Variants in DDX6 observed in about 807,000 individuals in gnomAD.
DDX6 encodes the protein DEAD-box helicase 6, also known as probable ATP-dependent RNA helicase DDX6.
DDX6 carries 7 observed loss-of-function variants against 60.6 expected under a neutral mutation model. The observed-to-expected ratio is 0.12, with a 90% CI of 0.07 to 0.22. DDX6 has a LOEUF of 0.22. Among genes scored for constraint, DDX6 ranks in the 10% least tolerant of loss-of-function variants. The pLI, the probability that DDX6 is intolerant of heterozygous loss-of-function variation, is 1.00. For synonymous variants in DDX6, 207 were observed against 201.0 expected, an observed-to-expected ratio of 1.03 and a Z score of -0.25; for missense variants, 270 against 589.9, an observed-to-expected ratio of 0.46 and a Z score of 5.62.
At chr11:118,765,747 C>T (rs1861330092) in intron 5 of DDX6, among the ~76,000 whole-genome samples, 1 of 151,122 alleles carries the variant, frequency 6.6e-6, no homozygotes, top group South Asian at 2.1e-4. Flanking sequence ...GCACTCCAGC[C>T]TGGGCGACAG....
intron 4 of DDX6, among the ~76,000 whole-genome samples, chr11:118,772,641 T>C (rs1338961355): frequency 1.3e-5 from 2 of 152,182 alleles, no homozygotes; most frequent in Non-Finnish European, 2.9e-5. Context: ...GTCATTTATA[T>C]CTCAATAAAG....
In DDX6 at chr11:118,755,409, T is replaced by C; in HGVS notation, c.1269A>G (p.Gly423=). 1 of 1,601,020 alleles carries C rather than the reference T, an allele frequency of 6.2e-7. No individual in the cohort carries two copies. Among genetic ancestry groups the C allele is most frequent in the Non-Finnish European group, 8.6e-7 (1 of 1,168,734 alleles). ...KLAETYLHRI[G]RSGRFGHLGL... is the part of the protein sequence containing the mutation. ...CACCTCTTTTTTCCTCACCTGATCT[T>C]CCAATACGATGGAGATAGGTCTCTG... The change falls in exon 12 of 14, where the codon GGA becomes GGG. Residue 423 remains glycine, a synonymous_variant. Transcript: ENST00000534980.
chr11:118,773,292 G>A (rs1361004149), intron 4 of DDX6, among the ~76,000 whole-genome samples: 2 of 152,178 alleles, frequency 1.3e-5, no homozygotes, highest in African/African-American at 2.4e-5. Context: ...GTTAAAGGCC[G>A]GGCGCGGTGG....
At chr11:118,757,671 A>G (rs1338931226) in intron 9 of DDX6, among the ~76,000 whole-genome samples, 1 of 151,994 alleles carries the variant, frequency 6.6e-6, no homozygotes, top group South Asian at 2.1e-4. Context: ...GCTCACTGCA[A>G]CAGCTGCCTC....
intron 2 of DDX6, 90 bp from the exon 3 acceptor site, chr11:118,781,274 G>T: frequency 1.3e-6 from 1 of 795,460 alleles, no homozygotes; most frequent in Non-Finnish European, 2.1e-6. Context: ...TGTTAAAAAA[G>T]CACAGTAAGT....
chr11:118,750,433 A>G lies in DDX6; in HGVS notation c.*1672T>C, dbSNP rs1555156924. Reference sequence around the variant, plus strand: ...CAGGTAACAATTCTTGTCACAATGCAAGAGAATGGCAAGCAGCTTTCTGTA... The same window carrying G: ...CAGGTAACAATTCTTGTCACAATGCGAGAGAATGGCAAGCAGCTTTCTGTA... On this transcript the variant is annotated 3_prime_UTR_variant, in exon 14 of 14. Transcript: ENST00000534980. The G allele has an allele frequency of 1.3e-5, 2 of 152,304 alleles. No homozygotes were observed. Among genetic ancestry groups the G allele is most frequent in the East Asian group, 1.9e-4 (1 of 5,184 alleles). 9.4% of individuals were successfully genotyped at this position (152,304 alleles called of 1,614,324 possible).
In DDX6 at chr11:118,791,161, C is replaced by G. The variant is rs1272996456; in HGVS notation, c.-331G>C. On this transcript the variant is annotated 5_prime_UTR_variant, in exon 1 of 14. Coordinates refer to ENST00000534980, the MANE Select transcript of DDX6 (RefSeq NM_004397.6). Reference sequence around the variant, plus strand: ...CCGCCTGGCTGAGCTAACTCGGCTCCTCTGCCCCCTCCCTCGCTCGCCCGT... The same window carrying G: ...CCGCCTGGCTGAGCTAACTCGGCTCGTCTGCCCCCTCCCTCGCTCGCCCGT... 10 of 152,288 alleles carry G rather than the reference C, an allele frequency of 6.6e-5. No homozygotes were observed. Among genetic ancestry groups the G allele is most frequent in the Admixed American group, 6.6e-4 (10 of 15,260 alleles). 9.4% of individuals were successfully genotyped at this position (152,288 alleles called of 1,614,324 possible).
intron 4 of DDX6, among the ~76,000 whole-genome samples, chr11:118,775,388 A>G (rs946097556): frequency 2.0e-5 from 3 of 152,192 alleles, no homozygotes; most frequent in Non-Finnish European, 2.9e-5. Flanking sequence ...ATAAAAATTT[A>G]AAAAATTTTT....
At chr11:118,781,339 G>A (rs1555164677) in intron 2 of DDX6, among the ~76,000 whole-genome samples, 155 bp from the exon 3 acceptor site, 1 of 151,980 alleles carries the variant, frequency 6.6e-6, no homozygotes, top group African/African-American at 2.4e-5. Flanking sequence ...TTTAGAAAAA[G>A]TGTTCTTATA....
chr11:118,754,444 TTTCA>T (rs1860893861), intron 13 of DDX6: 1 of 353,940 alleles, frequency 2.8e-6, no homozygotes, highest in Non-Finnish European at 5.1e-6. Flanking sequence ...TCTTTTTTGC[TTTCA>T]TTATTTTAGG....
rs1374072997 is a variant in DDX6 at position 118,751,688 on chromosome 11, AAC to A, written c.*415_*416del. The A allele has an allele frequency of 3.8e-6, 1 of 266,494 alleles. No individual in the cohort carries two copies. The highest frequency in any genetic ancestry group is 7.4e-6 in the Non-Finnish European group (1 of 135,192). The allele number at this position is 266,494 out of a possible 1,614,324, so 16.5% of individuals were successfully genotyped here. ...AGTAATAAGCTCTTCAGGCTTAAAAAACGGATGAGGAATCAGGGAGAAGTTGA... is the reference window on the plus strand; with the variant it reads ...AGTAATAAGCTCTTCAGGCTTAAAAAGGATGAGGAATCAGGGAGAAGTTGA... On this transcript the variant is annotated 3_prime_UTR_variant, in exon 14 of 14. Transcript: ENST00000534980.
intron 7 of DDX6, among the ~76,000 whole-genome samples, chr11:118,762,878 A>G (rs1229496907): frequency 1.3e-5 from 2 of 152,202 alleles, no homozygotes; most frequent in Non-Finnish European, 2.9e-5. Flanking sequence ...AAATGAGAAG[A>G]GACAATATAT....
At chr11:118,776,901 T>C (rs1861720145) in intron 4 of DDX6, among the ~76,000 whole-genome samples, 2 of 150,780 alleles carry the variant, frequency 1.3e-5, no homozygotes, top group African/African-American at 2.4e-5. Flanking sequence ...AACTACATCA[T>C]AGTAGATTCC....
intron 4 of DDX6, among the ~76,000 whole-genome samples, chr11:118,770,003 G>A (rs1358547290): frequency 6.7e-5 from 10 of 149,826 alleles, no homozygotes; most frequent in African/African-American, 1.5e-4. Flanking sequence ...CCAGCGCGCC[G>A]GGCCATGATG....
chr11:118,780,114 C>CAAAAAAAAAAAAA lies in DDX6; in HGVS notation c.265-391_265-379dup, dbSNP rs71044492. 9.9e-5 allele frequency among the ~76,000 whole-genome samples: 4 copies of CAAAAAAAAAAAAA among 40,284 alleles called. 1 individual carries two copies. The highest frequency in any genetic ancestry group is 1.7e-4 in the Non-Finnish European group (4 of 23,792). The allele number at this position is 40,284 out of a possible 152,430, so 26.4% of individuals were successfully genotyped here. A position where few individuals can be genotyped will look rare whatever the true frequency, so the allele number is the denominator to read the frequency against. ...GGGGGGACAGAGCCAGACTCTATCT[C>CAAAAAAAAAAAAA]AAAAAAAAAAAAAAAAAAAAAAAAA... On this transcript the variant is annotated intron_variant, in intron 3 of 13. Coordinates refer to ENST00000534980, the MANE Select transcript of DDX6 (RefSeq NM_004397.6).
At chr11:118,761,886 T>C (rs1555160285) in intron 7 of DDX6, among the ~76,000 whole-genome samples, 1 of 145,026 alleles carries the variant, frequency 6.9e-6, no homozygotes, top group Non-Finnish European at 1.5e-5. Flanking sequence ...AAACAAACCA[T>C]GTAAAGCACT....
chr11:118,784,904 G>A (rs1040717710), intron 2 of DDX6, among the ~76,000 whole-genome samples: 25 of 152,048 alleles, frequency 1.6e-4, no homozygotes, highest in African/African-American at 6.0e-4. Context: ...GTGCCACCAC[G>A]CCCAGCTAAT....
At chr11:118,780,141 A>AAAAG (rs1861845803) in intron 3 of DDX6, among the ~76,000 whole-genome samples, 2 of 143,576 alleles carry the variant, frequency 1.4e-5, no homozygotes, top group African/African-American at 2.5e-5. Flanking sequence ...AAAAAAAAAA[A>AAAAG]GGAAAGAAAA....
chr11:118,774,451 A>T lies in DDX6; in HGVS notation c.369+5181T>A, dbSNP rs142308115. Among the ~76,000 whole-genome samples the T allele has an allele frequency of 2.7e-5, 4 of 146,272 alleles. No homozygotes were observed. The East Asian group carries it at 8.1e-4, about 30-fold the overall frequency. ...GAGAGCATATAATTTTAAGTGCCTA[A>T]TTCTCTAACAGTCTTTTTTTTTTTT... On this transcript the variant is annotated intron_variant, in intron 4 of 13. Transcript: ENST00000534980.
Sources: gnomAD v4.1 joint callset for allele counts (sites outside exome capture counted in the v4.1 genomes callset) on GRCh38, gnomAD v4.1.1 for gene constraint, MANE v1.5 for transcripts, NCBI Gene and HGNC (gene_info 2026-07-23, HGNC 2026-07-21) for gene names.